The following PPP3CA variants were observed in gnomAD, a reference collection of about 807,000 sequenced individuals.
PPP3CA encodes the protein CAM-PRP catalytic subunit.
In PPP3CA, 14 loss-of-function variants were observed where a neutral mutation model predicts 66.5. The observed-to-expected ratio is 0.21, with a 90% CI of 0.14 to 0.33. PPP3CA has a LOEUF of 0.33. Among genes scored for constraint, PPP3CA ranks in the 10% least tolerant of loss-of-function variants. The pLI is 1.00. For missense variants in PPP3CA, 317 were observed against 639.5 expected, an observed-to-expected ratio of 0.50 and a Z score of 5.44; for synonymous variants, 232 against 226.2, an observed-to-expected ratio of 1.03 and a Z score of -0.23.
At chr4:101,345,517 G>T (rs919030554) in intron 1 of PPP3CA, among the ~76,000 whole-genome samples, 1 of 152,084 alleles carries the variant, frequency 6.6e-6, no homozygotes, top group Non-Finnish European at 1.5e-5. Flanking sequence ...AATTTCAGAG[G>T]CCCGCTCCCC....
intron 1 of PPP3CA, among the ~76,000 whole-genome samples, chr4:101,269,146 C>G (rs188204726): frequency 6.6e-6 from 1 of 152,244 alleles, no homozygotes; most frequent in East Asian, 1.9e-4. Context: ...AGATGCCCTC[C>G]TCATCGTCTA....
At chr4:101,148,759 T>C in intron 2 of PPP3CA, among the ~76,000 whole-genome samples, 1 of 151,834 alleles carries the variant, frequency 6.6e-6, no homozygotes, top group East Asian at 1.9e-4. Context: ...GGACAAGGAG[T>C]GTAAGGCTTT....
intron 1 of PPP3CA, among the ~76,000 whole-genome samples, chr4:101,303,053 T>A (rs967304018): frequency 6.6e-6 from 1 of 152,148 alleles, no homozygotes; most frequent in African/African-American, 2.4e-5. Context: ...AGACAAATTT[T>A]TCATCATCAA....
intron 1 of PPP3CA, among the ~76,000 whole-genome samples, chr4:101,331,353 C>T (rs1291987019): frequency 1.3e-5 from 2 of 152,146 alleles, no homozygotes; most frequent in African/African-American, 4.8e-5. Context: ...AAGTACTTTG[C>T]TTCATTATTC....
chr4:101,283,587 C>A (rs543344262), intron 1 of PPP3CA, among the ~76,000 whole-genome samples: 1 of 152,186 alleles, frequency 6.6e-6, no homozygotes, highest in Non-Finnish European at 1.5e-5. Context: ...AGTAATGTGG[C>A]AAACCGCTCT....
intron 1 of PPP3CA, among the ~76,000 whole-genome samples, chr4:101,270,887 T>A (rs1727317316): frequency 6.6e-6 from 1 of 152,200 alleles, no homozygotes; most frequent in Admixed American, 6.5e-5. Flanking sequence ...TATGAATTTT[T>A]AAGAATTGTT....
At chr4:101,173,318 C>T (rs187996944) in intron 2 of PPP3CA, among the ~76,000 whole-genome samples, 99 of 152,016 alleles carry the variant, frequency 6.5e-4, no homozygotes, top group African/African-American at 2.2e-3. Context: ...AAGAGAGAGG[C>T]TGTGCTTGGA....
chr4:101,084,252 G>A (rs901598737), intron 6 of PPP3CA, among the ~76,000 whole-genome samples: 5 of 152,142 alleles, frequency 3.3e-5, no homozygotes, highest in African/African-American at 1.2e-4. Context: ...AGTAATGTAT[G>A]TTATTCAAAT....
rs1255528684 is a variant in PPP3CA, at chr4:101,124,719, A to G, written c.260-15641T>C. Among the ~76,000 whole-genome samples, 80 of 79,706 alleles carry G rather than the reference A, an allele frequency of 1.0e-3. 1 individual carries two copies. Among genetic ancestry groups the G allele is most frequent in the East Asian group, 9.2e-3 (29 of 3,136 alleles). 52.3% of individuals were successfully genotyped at this position (79,706 alleles called of 152,430 possible). On this transcript the variant is annotated intron_variant, in intron 2 of 13. Coordinates refer to ENST00000394854, the MANE Select transcript of PPP3CA (RefSeq NM_000944.5). Reference sequence around the variant, plus strand: ...AAAGAAAGAAAGAAAGAAAGAAAGAAAGAAAGAGAAAGAAAGAAAGAAAGA... The same window carrying G: ...AAAGAAAGAAAGAAAGAAAGAAAGAGAGAAAGAGAAAGAAAGAAAGAAAGA...
intron 6 of PPP3CA, among the ~76,000 whole-genome samples, chr4:101,085,418 A>T (rs1422582043): frequency 6.6e-6 from 1 of 152,154 alleles, no homozygotes; most frequent in Non-Finnish European, 1.5e-5. Context: ...TAAGTTTGAT[A>T]CCCTTATGTG....
intron 3 of PPP3CA, among the ~76,000 whole-genome samples, chr4:101,102,284 G>A (rs1311166318): frequency 6.6e-6 from 1 of 151,482 alleles, no homozygotes; most frequent in Non-Finnish European, 1.5e-5. Context: ...GAGGAAGGGA[G>A]GGAGAGAGGG....
At chr4:101,224,890 T>C (rs529215859) in intron 1 of PPP3CA, among the ~76,000 whole-genome samples, 7 of 151,872 alleles carry the variant, frequency 4.6e-5, no homozygotes, top group African/African-American at 1.7e-4. Flanking sequence ...AGGTATTCTA[T>C]GATCTTCCTC....
chr4:101,138,459 G>C (rs1166033287), intron 2 of PPP3CA, among the ~76,000 whole-genome samples: 1 of 152,080 alleles, frequency 6.6e-6, no homozygotes. Context: ...TATTATTACA[G>C]GTCAATTATC....
rs984677916 is a variant in PPP3CA at position 101,024,894 on chromosome 4, A to T, written c.*971T>A. 3.3e-5 allele frequency: 5 copies of T among 152,472 alleles called. No homozygotes were observed. The highest frequency in any genetic ancestry group is 7.4e-5 in the Non-Finnish European group (5 of 68,016). 9.4% of individuals were successfully genotyped at this position (152,472 alleles called of 1,614,324 possible). A position where few individuals can be genotyped will look rare whatever the true frequency, so the allele number is the denominator to read the frequency against. On this transcript the variant is annotated 3_prime_UTR_variant, in exon 14 of 14. Transcript: ENST00000394854. ...AGACCACTAAGCGCATTACAGTCCC[A>T]TACAGGCCGATACAGCCATTTTTTT...
At chr4:101,159,862 G>A (rs1167849815) in intron 2 of PPP3CA, among the ~76,000 whole-genome samples, 1 of 151,988 alleles carries the variant, frequency 6.6e-6, no homozygotes, top group Non-Finnish European at 1.5e-5. Flanking sequence ...TCAGATACCT[G>A]AAATACATAC....
intron 1 of PPP3CA, among the ~76,000 whole-genome samples, chr4:101,208,198 T>C (rs1412465111): frequency 6.6e-6 from 1 of 152,158 alleles, no homozygotes; most frequent in Non-Finnish European, 1.5e-5. Flanking sequence ...TTAATATAAA[T>C]GTAAGATATA....
rs529406221 is a variant in PPP3CA at position 101,024,668 on chromosome 4, C to G, written c.*1197G>C. On this transcript the variant is annotated 3_prime_UTR_variant, in exon 14 of 14. Transcript: ENST00000394854. The stretch of plus-strand genomic sequence containing the variant: ...GCATTTAGAGTTTCACATGTAACTA[C>G]AAACTTATTATAATTTCACAAGGTT... The G allele has an allele frequency of 6.6e-6, 1 of 152,592 alleles. No homozygotes were observed. The highest frequency in any genetic ancestry group is 2.4e-5 in the African/African-American group (1 of 41,440). The allele number at this position is 152,592 out of a possible 1,614,324, so 9.5% of individuals were successfully genotyped here. A position where few individuals can be genotyped will look rare whatever the true frequency, so the allele number is the denominator to read the frequency against.
intron 2 of PPP3CA, among the ~76,000 whole-genome samples, chr4:101,172,498 G>A (rs1311374715): frequency 6.7e-6 from 1 of 150,184 alleles, no homozygotes; most frequent in East Asian, 2.0e-4. Flanking sequence ...TCAGCACTGT[G>A]ACTAACAGAG....
rs185580032 is a variant in PPP3CA, at chr4:101,317,806, G to A, written c.58+28933C>T. Among the ~76,000 whole-genome samples the A allele has an allele frequency of 2.3e-3, 348 of 152,262 alleles. 4 individuals carry two copies. Among genetic ancestry groups the A allele is most frequent in the African/African-American group, 7.8e-3 (325 of 41,558 alleles). ...TGGTTAAACAGTGGGCTCTGAAACC[G>A]ATGGTCACTGGTTGACATCCTAGTA... On this transcript the variant is annotated intron_variant, in intron 1 of 13. Coordinates refer to ENST00000394854, the MANE Select transcript of PPP3CA (RefSeq NM_000944.5).
Sources: allele counts gnomAD v4.1 joint callset (sites outside exome capture counted in the v4.1 genomes callset), GRCh38; gene constraint gnomAD v4.1.1; transcripts MANE v1.5; gene names NCBI Gene and HGNC (gene_info 2026-07-23, HGNC 2026-07-21).